Variants in RGS7BP observed in about 807,000 individuals in gnomAD.
The protein encoded by RGS7BP is regulator of G protein signaling 7 binding protein.
In RGS7BP, 9 loss-of-function variants were observed where a neutral mutation model predicts 31.3. That is an observed-to-expected ratio of 0.29 (90% CI 0.17 to 0.50). The LOEUF (loss-of-function observed/expected upper bound fraction) is 0.50. Ranked by LOEUF, RGS7BP falls within the 20% of genes least tolerant of loss-of-function variation. RGS7BP has a pLI of 0.98. For missense variants in RGS7BP, 274 were observed against 322.0 expected, an observed-to-expected ratio of 0.85 and a Z score of 1.14; for synonymous variants, 115 against 120.1, an observed-to-expected ratio of 0.96 and a Z score of 0.28.
intron 2 of RGS7BP, among the ~76,000 whole-genome samples, chr5:64,549,457 T>A (rs1334936278): frequency 6.6e-6 from 1 of 152,230 alleles, no homozygotes; most frequent in Non-Finnish European, 1.5e-5. Flanking sequence ...TGCCAAGCAG[T>A]TCTGCCCTCA....
In RGS7BP at chr5:64,506,598, C is replaced by G; in HGVS notation, c.-27C>G. On this transcript the variant is annotated 5_prime_UTR_variant, in exon 1 of 6. Coordinates refer to ENST00000334025, the MANE Select transcript of RGS7BP (RefSeq NM_001029875.3). This position sits in a 1 kb window ranked among gnomAD's most constrained non-coding sequence, Gnocchi z 4.6. ...CCCGCGCCGGGGCGCACTGCACCAG[C>G]GGCTTCGGCTTGGTGGATGTGTATG... 6.4e-7 allele frequency: 1 copy of G among 1,566,248 alleles called. No individual in the cohort carries two copies. Among genetic ancestry groups the G allele is most frequent in the African/African-American group, 1.4e-5 (1 of 73,782 alleles).
intron 2 of RGS7BP, among the ~76,000 whole-genome samples, chr5:64,559,771 T>C (rs1230806520): frequency 6.6e-6 from 1 of 152,144 alleles, no homozygotes; most frequent in Non-Finnish European, 1.5e-5. Context: ...ATCCTTCCAA[T>C]AGTTACATTT....
At chr5:64,586,942 G>C (rs1414763370) in intron 3 of RGS7BP, among the ~76,000 whole-genome samples, 1 of 152,114 alleles carries the variant, frequency 6.6e-6, no homozygotes, top group African/African-American at 2.4e-5. Flanking sequence ...GTCAGGGTAG[G>C]GTAACTACTG....
chr5:64,509,595 C>T (rs570031883), intron 2 of RGS7BP, among the ~76,000 whole-genome samples: 16 of 151,940 alleles, frequency 1.1e-4, no homozygotes, highest in Non-Finnish European at 2.1e-4. Context: ...TATGTTACCC[C>T]GGCTGGTCTT....
In RGS7BP at chr5:64,506,960, G is replaced by A. The variant is rs987817176; in HGVS notation, c.165+171G>A. 7.9e-5 allele frequency among the ~76,000 whole-genome samples: 12 copies of A among 152,096 alleles called. No homozygotes were observed. The highest frequency in any genetic ancestry group is 1.8e-4 in the Non-Finnish European group (12 of 68,022). ...AAATCTGCAGTCCCCCAAATTCAGG[G>A]TGACACCCTGGTCGTAATAACCCTG... On this transcript the variant is annotated intron_variant, in intron 1 of 5. Coordinates refer to ENST00000334025, the MANE Select transcript of RGS7BP (RefSeq NM_001029875.3). This position sits in a 1 kb window ranked among gnomAD's most constrained non-coding sequence, Gnocchi z 4.6.
intron 3 of RGS7BP, among the ~76,000 whole-genome samples, chr5:64,589,044 C>G (rs1228920216): frequency 4.6e-5 from 7 of 151,892 alleles, no homozygotes; most frequent in African/African-American, 1.7e-4. Flanking sequence ...GCATGTAATC[C>G]CAGCACTTTG....
At chr5:64,587,729 A>G (rs952614520) in intron 3 of RGS7BP, among the ~76,000 whole-genome samples, 1 of 152,212 alleles carries the variant, frequency 6.6e-6, no homozygotes, top group Admixed American at 6.5e-5. Context: ...TAAATTGCTC[A>G]GTATATCTCT....
rs940657616 is a variant in RGS7BP, at chr5:64,594,797, C to A, written c.551C>A (p.Ser184Tyr). ...CCTGCCCTAGAAGACTCCTCATCAT[C>A]CCCCGTAGATAGTCAGCAACATTCC... is the stretch of plus-strand genomic sequence containing the variant. The part of the protein sequence containing the change: ...ETPALEDSSS[S>Y]PVDSQQHSWQ... Residue 184 changes from serine to tyrosine, a missense_variant, in exon 4 of 6, where the codon TCC (serine) becomes TAC (tyrosine). Ser to Tyr is a moderately radical substitution (Grantham distance 144, BLOSUM62 -2). Around this residue, in one of 3 missense-constraint regions of RGS7BP, gnomAD observed 112 missense variants for 130.9 expected, o/e 0.86. Coordinates refer to ENST00000334025, the MANE Select transcript of RGS7BP (RefSeq NM_001029875.3). 6.2e-7 allele frequency: 1 copy of A among 1,613,682 alleles called. No homozygotes were observed. Among genetic ancestry groups the A allele is most frequent in the Non-Finnish European group, 8.5e-7 (1 of 1,179,728 alleles).
At position 64,535,143 on chromosome 5, in the gene RGS7BP, G is replaced by C. The variant is rs1046497838; in HGVS notation, c.332+27266G>C. Among the ~76,000 whole-genome samples the C allele has an allele frequency of 2.6e-5, 4 of 152,192 alleles. No homozygotes were observed. The East Asian group carries it at 7.7e-4, about 29-fold the overall frequency. On this transcript the variant is annotated intron_variant, in intron 2 of 5. Transcript: ENST00000334025. ...AGCAGCCAGAGGAGCACTGGGAACA[G>C]AAGTCTGGATTGGAGGGCTGAAGAG...
chr5:64,559,673 A>G (rs1378019454), intron 2 of RGS7BP, among the ~76,000 whole-genome samples: 1 of 152,160 alleles, frequency 6.6e-6, no homozygotes, highest in Non-Finnish European at 1.5e-5. Flanking sequence ...AAAATTAGGA[A>G]GAAAAGGGAA....
intron 2 of RGS7BP, among the ~76,000 whole-genome samples, chr5:64,564,390 G>T (rs1487826533): frequency 6.6e-6 from 1 of 152,080 alleles, no homozygotes; most frequent in African/African-American, 2.4e-5. Context: ...TTGCTTCTTG[G>T]AATAAGATCA....
intron 2 of RGS7BP, among the ~76,000 whole-genome samples, chr5:64,536,579 A>T (rs1741368965): frequency 6.6e-6 from 1 of 152,330 alleles, no homozygotes. Flanking sequence ...ATGTATCAAT[A>T]ACATAGAATA....
At chr5:64,528,713 C>T (rs1401301149) in intron 2 of RGS7BP, among the ~76,000 whole-genome samples, 5 of 148,104 alleles carry the variant, frequency 3.4e-5, no homozygotes, top group East Asian at 2.1e-4. Flanking sequence ...CAGGAGGCTG[C>T]GGCAGGAGAA....
chr5:64,512,804 C>T (rs892723037), intron 2 of RGS7BP, among the ~76,000 whole-genome samples: 6 of 151,970 alleles, frequency 3.9e-5, no homozygotes, highest in African/African-American at 1.5e-4. Context: ...TATCAAAAAG[C>T]CTGTTCTGAG....
chr5:64,591,454 A>C (rs1409053909), intron 3 of RGS7BP, among the ~76,000 whole-genome samples: 1 of 152,202 alleles, frequency 6.6e-6, no homozygotes, highest in African/African-American at 2.4e-5. Flanking sequence ...TTAGATTAGC[A>C]AAAATTAATG....
chr5:64,592,946 C>T (rs570994532), intron 3 of RGS7BP, among the ~76,000 whole-genome samples: 4 of 152,194 alleles, frequency 2.6e-5, no homozygotes, highest in Non-Finnish European at 5.9e-5. Context: ...CTGCACTTGC[C>T]ACACTCTGCC....
At chr5:64,588,939 AT>A (rs1203537445) in intron 3 of RGS7BP, among the ~76,000 whole-genome samples, 1 of 152,210 alleles carries the variant, frequency 6.6e-6, no homozygotes, top group Non-Finnish European at 1.5e-5. Flanking sequence ...TAAAAAAAAA[AT>A]AAATATCTAA....
At chr5:64,576,396 A>G (rs1742430693) in intron 3 of RGS7BP, among the ~76,000 whole-genome samples, 1 of 152,162 alleles carries the variant, frequency 6.6e-6, no homozygotes, top group Admixed American at 6.5e-5. Context: ...AAAGGATTGT[A>G]CCCTCCAGAG....
Position 64,575,660 on chromosome 5 carries a change from A to C in RGS7BP, c.333-114A>C, listed in dbSNP as rs1742399352. On this transcript the variant is annotated intron_variant, in intron 2 of 5. Transcript: ENST00000334025. Reference sequence around the variant, plus strand: ...AAAGCAGGAAGTCCTATATTTTAGGATCAAGGCTTTAAGGAATCTTTATTG... The same window carrying C: ...AAAGCAGGAAGTCCTATATTTTAGGCTCAAGGCTTTAAGGAATCTTTATTG... 4.9e-6 allele frequency: 7 copies of C among 1,432,574 alleles called. No individual in the cohort carries two copies. In the South Asian group the frequency reaches 9.5e-5, roughly 19 times the overall value. The allele number at this position is 1,432,574 out of a possible 1,614,324, so 88.7% of individuals were successfully genotyped here.
Sources: gnomAD v4.1 joint callset for allele counts (sites outside exome capture counted in the v4.1 genomes callset) on GRCh38, gnomAD v4.1.1 for gene constraint, gnomAD v4.1.1 regional missense constraint, Gnocchi (gnomAD v3.1) non-coding constraint, MANE v1.5 for transcripts, NCBI Gene and HGNC (gene_info 2026-07-23, HGNC 2026-07-21) for gene names.